DAPK1: variants seen among roughly 807,000 people sequenced by gnomAD.
DAPK1 encodes death associated protein kinase 1, also known as death-associated protein kinase 1.
In DAPK1, 56 loss-of-function variants were observed where a neutral mutation model predicts 144.9. That is an observed-to-expected ratio of 0.39 (90% confidence interval 0.31 to 0.48). The LOEUF (loss-of-function observed/expected upper bound fraction) is 0.48, where lower values mean the gene tolerates loss of function less well. DAPK1 is among the 20% of genes least tolerant of loss of function. The probability of loss-of-function intolerance (pLI) is 0.95; values close to 1 mark genes in which losing one functional copy is unlikely to be tolerated. For synonymous variants in DAPK1, 690 were observed against 749.0 expected (o/e 0.92, Z 1.29); for missense variants, 1,454 against 1,875.4 (o/e 0.78, Z 4.15).
intron 18 of DAPK1, among the ~76,000 whole-genome samples, chr9:87,664,751 G>A (rs558083253): frequency 2.6e-5 from 4 of 152,332 alleles, no homozygotes; most frequent in South Asian, 2.1e-4. Context: ...TCAGACGTAA[G>A]TGAGATCTCA....
chr9:87,514,727 G>T lies in DAPK1; in HGVS notation c.62+15588G>T, dbSNP rs561919034. ...AAGATGAAGCCAGACAATTAAGTTG[G>T]AGAGAAAAAGCAATTGCTCAAATTC... On this transcript the variant is annotated intron_variant, in intron 2 of 25. Coordinates refer to ENST00000408954, the MANE Select transcript of DAPK1 (RefSeq NM_004938.4). Among the ~76,000 whole-genome samples the T allele has an allele frequency of 2.0e-5, 3 of 152,336 alleles. No homozygotes were observed. The East Asian group carries it at 5.8e-4, about 29-fold the overall frequency.
intron 2 of DAPK1, among the ~76,000 whole-genome samples, chr9:87,585,087 T>C (rs1827902586): frequency 1.3e-5 from 2 of 152,254 alleles, no homozygotes; most frequent in Admixed American, 6.5e-5. Flanking sequence ...GACTGTTCAC[T>C]CATTATCAGA....
At chr9:87,672,106 T>C (rs1030868416) in intron 19 of DAPK1, among the ~76,000 whole-genome samples, 6 of 152,210 alleles carry the variant, frequency 3.9e-5, no homozygotes, top group Non-Finnish European at 7.3e-5. Context: ...ATGTAGATGA[T>C]GTCCCTTGCA....
intron 2 of DAPK1, among the ~76,000 whole-genome samples, chr9:87,508,075 T>G (rs568637002): frequency 6.6e-6 from 1 of 152,074 alleles, no homozygotes; most frequent in South Asian, 2.1e-4. Context: ...TGCAGTGGCA[T>G]GCTCTTGGCT....
At chr9:87,575,306 G>C (rs756887630) in intron 2 of DAPK1, among the ~76,000 whole-genome samples, 1 of 151,704 alleles carries the variant, frequency 6.6e-6, no homozygotes, top group Non-Finnish European at 1.5e-5. Flanking sequence ...ATTCATAGCC[G>C]TTATCTCGTG....
At chr9:87,530,429 A>G (rs1037052018) in intron 2 of DAPK1, among the ~76,000 whole-genome samples, 1 of 151,634 alleles carries the variant, frequency 6.6e-6, no homozygotes, top group African/African-American at 2.4e-5. Flanking sequence ...GGGAATTTAT[A>G]TTAAGCACAT....
intron 10 of DAPK1, among the ~76,000 whole-genome samples, 155 bp from the exon 11 acceptor site, chr9:87,643,221 C>G (rs1201908895): frequency 6.6e-6 from 1 of 152,162 alleles, no homozygotes; most frequent in East Asian, 1.9e-4. Context: ...GATTGCCCAC[C>G]CTGGGAGAGT....
chr9:87,583,115 G>A (rs4877366), intron 2 of DAPK1, among the ~76,000 whole-genome samples: 69,533 of 151,932 alleles, frequency 0.46, 16,187 homozygotes, highest in Middle Eastern at 0.56. Context: ...GAAGGAAATA[G>A]GCAAAGAAAT....
intron 25 of DAPK1, among the ~76,000 whole-genome samples, chr9:87,704,398 T>C (rs1825561493): frequency 6.6e-6 from 1 of 152,170 alleles, no homozygotes; most frequent in Admixed American, 6.5e-5. Context: ...GAGAGTTTAG[T>C]AAGTAAATGA....
At chr9:87,605,696 T>A (rs1458154845) in intron 3 of DAPK1, among the ~76,000 whole-genome samples, 1 of 152,222 alleles carries the variant, frequency 6.6e-6, no homozygotes, top group African/African-American at 2.4e-5. Flanking sequence ...CAAAAAGGAC[T>A]TGTTTTTAAA....
rs117048090 is a variant in DAPK1 at position 87,651,335 on chromosome 9, T to A, written c.1627-192T>A. Among the ~76,000 whole-genome samples the A allele has an allele frequency of 1.7e-4, 26 of 152,328 alleles. No individual in the cohort carries two copies. In the East Asian group the frequency reaches 4.4e-3, roughly 26 times the overall value. On this transcript the variant is annotated intron_variant, in intron 16 of 25. Coordinates refer to ENST00000408954, the MANE Select transcript of DAPK1 (RefSeq NM_004938.4). ...CTGTGATTATTTAGAGAGGAATATG[T>A]AAAGCTCCGCATCCTCCCAGTCCTT...
At chr9:87,603,743 A>G (rs1385122726) in intron 2 of DAPK1, among the ~76,000 whole-genome samples, 1 of 152,166 alleles carries the variant, frequency 6.6e-6, no homozygotes, top group African/African-American at 2.4e-5. Context: ...CTAGGGAAGA[A>G]CGAAGGGCAC....
chr9:87,687,767 T>C (rs150029563), intron 21 of DAPK1, among the ~76,000 whole-genome samples: 5 of 152,070 alleles, frequency 3.3e-5, no homozygotes, highest in Non-Finnish European at 5.9e-5. Flanking sequence ...CAACAGTATA[T>C]AAGAATTCTC....
At chr9:87,523,350 G>A (rs1301996709) in intron 2 of DAPK1, among the ~76,000 whole-genome samples, 1 of 152,160 alleles carries the variant, frequency 6.6e-6, no homozygotes, top group East Asian at 1.9e-4. Flanking sequence ...AGGCTGGAGT[G>A]CAGTGGCACA....
chr9:87,692,078 G>A (rs1258328252), intron 21 of DAPK1, among the ~76,000 whole-genome samples: 1 of 151,254 alleles, frequency 6.6e-6, no homozygotes, highest in Non-Finnish European at 1.5e-5. Context: ...TGAAAGTGGG[G>A]TGTTGAATTC....
At chr9:87,552,030 T>C (rs963421480) in intron 2 of DAPK1, among the ~76,000 whole-genome samples, 1 of 151,774 alleles carries the variant, frequency 6.6e-6, no homozygotes, top group Non-Finnish European at 1.5e-5. Flanking sequence ...ATAACCAAGA[T>C]CAAGTTCTAA....
intron 2 of DAPK1, among the ~76,000 whole-genome samples, chr9:87,503,277 A>G (rs967940196): frequency 6.6e-6 from 1 of 151,582 alleles, no homozygotes; most frequent in African/African-American, 2.4e-5. Context: ...ATATATATAT[A>G]TTTTAGAGAC....
At chr9:87,523,437 T>C (rs1266894789) in intron 2 of DAPK1, among the ~76,000 whole-genome samples, 25 of 151,972 alleles carry the variant, frequency 1.6e-4, no homozygotes, top group Non-Finnish European at 2.9e-5. Context: ...GCTGGGACCA[T>C]AGACACGAGC....
intron 20 of DAPK1, among the ~76,000 whole-genome samples, chr9:87,684,346 G>A (rs1824753892): frequency 6.6e-6 from 1 of 151,848 alleles, no homozygotes; most frequent in African/African-American, 2.4e-5. Flanking sequence ...CCGTGCTGGG[G>A]TCTCTTTCAG....
Sources: gnomAD v4.1 joint callset for allele counts (sites outside exome capture counted in the v4.1 genomes callset) on GRCh38, gnomAD v4.1.1 for gene constraint, MANE v1.5 for transcripts, NCBI Gene and HGNC (gene_info 2026-07-23, HGNC 2026-07-21) for gene names.